The following MAP3K20 variants were observed in gnomAD, a reference collection of about 807,000 sequenced individuals.
The protein encoded by MAP3K20 is HCCS-4.
In MAP3K20, 40 loss-of-function variants were observed where a neutral mutation model predicts 85.7. That is an observed-to-expected ratio of 0.47 (90% confidence interval 0.36 to 0.61). MAP3K20 has a LOEUF of 0.61. Ranked by LOEUF, MAP3K20 falls within the 20% of genes least tolerant of loss-of-function variation. MAP3K20 has a pLI of 0.00. For synonymous variants in MAP3K20, 325 were observed against 327.7 expected (o/e 0.99, Z 0.09); for missense variants, 817 against 961.7 (o/e 0.85, Z 1.99).
intron 16 of MAP3K20, among the ~76,000 whole-genome samples, chr2:173,245,804 C>T (rs1448126316): frequency 3.9e-5 from 6 of 152,170 alleles, no homozygotes; most frequent in Admixed American, 2.6e-4. Context: ...TGGTGGCCTG[C>T]GCCTGTAGTC....
chr2:173,081,965 C>T (rs1687026330), intron 1 of MAP3K20, among the ~76,000 whole-genome samples: 1 of 152,088 alleles, frequency 6.6e-6, no homozygotes, highest in Non-Finnish European at 1.5e-5. Context: ...ATGGGTCACT[C>T]ACTACTAAAG....
chr2:173,173,637 T>C (rs1465296137), intron 3 of MAP3K20, among the ~76,000 whole-genome samples: 1 of 152,234 alleles, frequency 6.6e-6, no homozygotes, highest in Non-Finnish European at 1.5e-5. Context: ...TGTTTTGATA[T>C]TGTGCTAGTC....
intron 11 of MAP3K20, chr2:173,226,514 C>G: frequency 2.0e-6 from 2 of 985,754 alleles, no homozygotes; most frequent in South Asian, 9.4e-5. Flanking sequence ...TCTCTCCTCT[C>G]GATTGTAGCA....
At chr2:173,144,528 A>C (rs1224337610) in intron 2 of MAP3K20, among the ~76,000 whole-genome samples, 2 of 142,876 alleles carry the variant, frequency 1.4e-5, no homozygotes, top group African/African-American at 5.6e-5. Context: ...AAAAAGAGAA[A>C]AGAAAAGAAA....
intron 19 of MAP3K20, among the ~76,000 whole-genome samples, chr2:173,264,695 AG>A (rs137906130): frequency 0.022 from 3,391 of 152,308 alleles, 137 homozygotes; most frequent in African/African-American, 0.076. Flanking sequence ...GAGCAAAATC[AG>A]GGTTCTATTG....
intron 2 of MAP3K20, among the ~76,000 whole-genome samples, chr2:173,158,804 G>A (rs543702996): frequency 1.1e-4 from 17 of 152,314 alleles, no homozygotes; most frequent in South Asian, 8.3e-4. Context: ...TGAGTCTCAG[G>A]TTAAATAACT....
At chr2:173,169,632 ATTAC>A (rs1312441687) in intron 2 of MAP3K20, among the ~76,000 whole-genome samples, 169 bp from the exon 3 acceptor site, 1 of 152,090 alleles carries the variant, frequency 6.6e-6, no homozygotes, top group East Asian at 1.9e-4. Flanking sequence ...AGGCAGGAGA[ATTAC>A]TTGAGCCCAG....
chr2:173,262,703 G>T (rs1432421680), intron 18 of MAP3K20, among the ~76,000 whole-genome samples: 1 of 152,218 alleles, frequency 6.6e-6, no homozygotes, highest in Non-Finnish European at 1.5e-5. Flanking sequence ...ATCCTCACCT[G>T]CTGGGGTGCA....
intron 2 of MAP3K20, among the ~76,000 whole-genome samples, chr2:173,124,872 C>T (rs1286891945): frequency 6.6e-6 from 1 of 152,144 alleles, no homozygotes; most frequent in African/African-American, 2.4e-5. Context: ...CTTGTAATTC[C>T]AGCACTTTGG....
intron 11 of MAP3K20, chr2:173,226,409 A>G: frequency 1.0e-6 from 1 of 985,442 alleles, no homozygotes; most frequent in Non-Finnish European, 1.2e-6. Flanking sequence ...TATATAACAG[A>G]GCATAAATTT....
At chr2:173,132,555 C>T (rs1446607228) in intron 2 of MAP3K20, among the ~76,000 whole-genome samples, 3 of 152,306 alleles carry the variant, frequency 2.0e-5, no homozygotes, top group East Asian at 1.9e-4. Context: ...CTTGCCTCCA[C>T]CCAGGAGAGT....
chr2:173,263,618 A>G (rs1685346156), intron 18 of MAP3K20, 127 bp from the exon 19 acceptor site: 2 of 898,028 alleles, frequency 2.2e-6, no homozygotes, highest in Admixed American at 3.0e-5. Context: ...ATAGTGTTCT[A>G]AGAGGTGAAA....
chr2:173,107,038 A>C lies in MAP3K20; in HGVS notation c.159+15848A>C, dbSNP rs925065507. Among the ~76,000 whole-genome samples, 11 of 152,354 alleles carry C rather than the reference A, an allele frequency of 7.2e-5. No homozygotes were observed. In the East Asian group the frequency reaches 2.1e-3, roughly 29 times the overall value. On this transcript the variant is annotated intron_variant, in intron 2 of 19. Transcript: ENST00000375213. The stretch of plus-strand genomic sequence containing the variant: ...TGCATGAAAATTCCCACATCCAGAC[A>C]GGAATAGTAATCGGACAAAGTGACA...
chr2:173,091,067 A>G lies in MAP3K20; in HGVS notation c.36A>G (p.Lys12=). 1 of 1,614,006 alleles carries G rather than the reference A, an allele frequency of 6.2e-7. No homozygotes were observed. Among genetic ancestry groups the G allele is most frequent in the Non-Finnish European group, 8.5e-7 (1 of 1,179,966 alleles). Residue 12 remains lysine (K), a synonymous_variant, in exon 2 of 20, where the codon AAA becomes AAG. Transcript: ENST00000375213. ...SSLGASFVQI[K]FDDLQFFENC... is the part of the protein sequence containing the mutation. ...TCGGTGCCTCCTTTGTGCAAATTAAATTTGATGACTTGCAGTTTTTTGAAA... is the reference window on the plus strand; with the variant it reads ...TCGGTGCCTCCTTTGTGCAAATTAAGTTTGATGACTTGCAGTTTTTTGAAA...
At chr2:173,121,249 A>G (rs1688277874) in intron 2 of MAP3K20, among the ~76,000 whole-genome samples, 1 of 152,146 alleles carries the variant, frequency 6.6e-6, no homozygotes, top group South Asian at 2.1e-4. Context: ...CATGCTTATG[A>G]GCCCATTGCT....
At chr2:173,246,193 T>G (rs1176521305) in intron 16 of MAP3K20, among the ~76,000 whole-genome samples, 1 of 152,176 alleles carries the variant, frequency 6.6e-6, no homozygotes, top group African/African-American at 2.4e-5. Context: ...CACCAGAGGC[T>G]CCAACCTAGT....
intron 1 of MAP3K20, among the ~76,000 whole-genome samples, chr2:173,076,523 C>T (rs1378817700): frequency 1.3e-5 from 2 of 152,254 alleles, no homozygotes; most frequent in African/African-American, 4.8e-5. Flanking sequence ...TTCTGCTTTT[C>T]TAAGAACTCG....
At chr2:173,158,961 A>G (rs947204800) in intron 2 of MAP3K20, among the ~76,000 whole-genome samples, 2 of 152,252 alleles carry the variant, frequency 1.3e-5, no homozygotes, top group African/African-American at 2.4e-5. Flanking sequence ...TGTGCTGTTA[A>G]TAATACATTA....
At chr2:173,204,117 ATTT>A (rs1683586609) in intron 9 of MAP3K20, among the ~76,000 whole-genome samples, 1 of 152,096 alleles carries the variant, frequency 6.6e-6, no homozygotes, top group Non-Finnish European at 1.5e-5. Context: ...TAATTTTATT[ATTT>A]TGTTTTTAAT....
Sources: gnomAD v4.1 joint callset for allele counts (sites outside exome capture counted in the v4.1 genomes callset) on GRCh38, gnomAD v4.1.1 for gene constraint, MANE v1.5 for transcripts, NCBI Gene and HGNC (gene_info 2026-07-23, HGNC 2026-07-21) for gene names.